Variants in NARS1 observed in about 807,000 individuals in gnomAD.
NARS1 encodes the protein asparagine--tRNA ligase, cytoplasmic.
A neutral mutation model predicts 79.2 loss-of-function variants in NARS1; 65 were observed. The observed-to-expected ratio is 0.82, with a 90% CI of 0.67 to 1.01. NARS1 has a LOEUF of 1.01. Among genes scored for constraint, NARS1 ranks in the 50% least tolerant of loss-of-function variants. The pLI is 0.00. For synonymous variants in NARS1, 229 were observed against 238.8 expected (o/e 0.96, Z 0.38); for missense variants, 649 against 673.8 (o/e 0.96, Z 0.41).
At chr18:57,602,986 G>A (rs372520309) in intron 11 of NARS1, 43 bp from the exon 12 acceptor site, 11 of 1,608,020 alleles carry the variant, frequency 6.8e-6, no homozygotes, top group African/African-American at 5.4e-5. Context: ...AACTTGGATC[G>A]CAACAAGACA....
chr18:57,603,871 G>A lies in NARS1; in HGVS notation c.1252-928C>T, dbSNP rs986961829. 5.9e-5 allele frequency among the ~76,000 whole-genome samples: 8 copies of A among 134,700 alleles called. No homozygotes were observed. In the Admixed American group the frequency reaches 6.0e-4, roughly 10 times the overall value. The allele number at this position is 134,700 out of a possible 152,430, so 88.4% of individuals were successfully genotyped here. A position where few individuals can be genotyped will look rare whatever the true frequency, so the allele number is the denominator to read the frequency against. On this transcript the variant is annotated intron_variant, in intron 11 of 13. Coordinates refer to ENST00000256854, the MANE Select transcript of NARS1 (RefSeq NM_004539.4). ...GGGTTCTGCATAAGATTTAGTTAGG[G>A]GAAAACAGGTCTTATTTCATACCCC...
At chr18:57,604,120 G>A (rs1266733147) in intron 11 of NARS1, among the ~76,000 whole-genome samples, 1 of 152,208 alleles carries the variant, frequency 6.6e-6, no homozygotes, top group Non-Finnish European at 1.5e-5. Flanking sequence ...GAAAAGAGGT[G>A]GGAGCTAAGC....
chr18:57,610,600 T>C (rs2051596950), intron 6 of NARS1, among the ~76,000 whole-genome samples: 1 of 152,074 alleles, frequency 6.6e-6, no homozygotes, highest in Non-Finnish European at 1.5e-5. Flanking sequence ...ACCTCCAATT[T>C]ATAAAAAATG....
chr18:57,601,508 T>C lies in NARS1; in HGVS notation c.*144A>G, dbSNP rs774950385. 8.4e-5 allele frequency: 63 copies of C among 753,336 alleles called. No individual in the cohort carries two copies. The highest frequency in any genetic ancestry group is 1.1e-4 in the Non-Finnish European group (55 of 503,676). The allele number at this position is 753,336 out of a possible 1,614,324, so 46.7% of individuals were successfully genotyped here. On this transcript the variant is annotated 3_prime_UTR_variant, in exon 14 of 14. Transcript: ENST00000256854. ...AATATCACTTGATGTTCAGGTGATTTGAGATAGTTTTTATGGTAGTAGAAA... is the reference window on the plus strand; with the variant it reads ...AATATCACTTGATGTTCAGGTGATTCGAGATAGTTTTTATGGTAGTAGAAA...
At chr18:57,618,396 G>A (rs746692549) in intron 2 of NARS1, among the ~76,000 whole-genome samples, 46 of 151,968 alleles carry the variant, frequency 3.0e-4, no homozygotes, top group Non-Finnish European at 2.8e-4. Context: ...CCGACAATCT[G>A]TACTGATCCC....
intron 1 of NARS1, among the ~76,000 whole-genome samples, 153 bp downstream of exon 1, chr18:57,621,555 C>G (rs572907024): frequency 2.9e-4 from 44 of 152,272 alleles, no homozygotes; most frequent in African/African-American, 1.0e-3. Flanking sequence ...CAGCAAAGGC[C>G]AGCACCCTCC....
chr18:57,611,251 C>G (rs2051602657), intron 6 of NARS1, among the ~76,000 whole-genome samples: 1 of 152,084 alleles, frequency 6.6e-6, no homozygotes, highest in South Asian at 2.1e-4. Flanking sequence ...CAGGCATGAG[C>G]CACCATGCCC....
At chr18:57,610,938 G>T (rs1043232428) in intron 6 of NARS1, among the ~76,000 whole-genome samples, 7 of 151,636 alleles carry the variant, frequency 4.6e-5, no homozygotes, top group Non-Finnish European at 1.0e-4. Flanking sequence ...TTTGGTGGAG[G>T]GTGTGATAAT....
intron 11 of NARS1, among the ~76,000 whole-genome samples, chr18:57,605,154 T>C (rs2051543326): frequency 6.8e-6 from 1 of 147,450 alleles, no homozygotes; most frequent in Non-Finnish European, 1.5e-5. Flanking sequence ...TATATATATA[T>C]CTATATACCA....
chr18:57,617,700 A>C (rs1414659771), intron 2 of NARS1, among the ~76,000 whole-genome samples: 1 of 150,716 alleles, frequency 6.6e-6, no homozygotes, highest in African/African-American at 2.4e-5. Flanking sequence ...GCGGATCATG[A>C]GGTCAGGAGT....
At chr18:57,607,368 A>C in intron 8 of NARS1, 35 bp from the exon 9 acceptor site, 2 of 1,610,708 alleles carry the variant, frequency 1.2e-6, no homozygotes, top group Non-Finnish European at 1.7e-6. Context: ...AATCAATGCT[A>C]TCGTGAGCAC....
rs576967613 is a variant in NARS1 at position 57,604,634 on chromosome 18, A to T, written c.1251+1223T>A. Among the ~76,000 whole-genome samples the T allele has an allele frequency of 9.2e-5, 14 of 152,274 alleles. No individual in the cohort carries two copies. The South Asian group carries it at 2.7e-3, about 29-fold the overall frequency. ...GCCAGATGCAGTGGCTCACGCCTGT[A>T]ATCCCAATACTTTGGAAAGCTGGGG... On this transcript the variant is annotated intron_variant, in intron 11 of 13. Transcript: ENST00000256854.
At chr18:57,605,610 CAAAAAAAAAAA>C (rs11285116) in intron 11 of NARS1, among the ~76,000 whole-genome samples, 1 of 109,656 alleles carries the variant, frequency 9.1e-6, no homozygotes, top group African/African-American at 3.4e-5. Context: ...GACTCCGTCT[CAAAAAAAAAAA>C]AAAAAAAGAA....
intron 1 of NARS1, among the ~76,000 whole-genome samples, chr18:57,620,956 A>C (rs1908275382): frequency 6.6e-6 from 1 of 152,208 alleles, no homozygotes; most frequent in Non-Finnish European, 1.5e-5. Flanking sequence ...CATACGCTGG[A>C]ATGTTGGATT....
intron 2 of NARS1, among the ~76,000 whole-genome samples, chr18:57,619,248 T>C (rs1487391838): frequency 7.0e-6 from 1 of 142,346 alleles, no homozygotes; most frequent in Non-Finnish European, 1.5e-5. Flanking sequence ...GTGCATACCA[T>C]ACCACCATGC....
At chr18:57,607,764 G>T in intron 7 of NARS1, 99 bp from the exon 8 acceptor site, 1 of 1,022,182 alleles carries the variant, frequency 9.8e-7, no homozygotes, top group Non-Finnish European at 1.4e-6. Context: ...TTGGTAAGCT[G>T]AGATTTTTAA....
Position 57,621,757 on chromosome 18 carries a change from C to G in NARS1, c.-40G>C, listed in dbSNP as rs1487640739. ...TGGTCACCTCCAAGGACACAGACTG[C>G]AACACCGACGCCGTCTTATGACTCC... On this transcript the variant is annotated 5_prime_UTR_variant, in exon 1 of 14. Coordinates refer to ENST00000256854, the MANE Select transcript of NARS1 (RefSeq NM_004539.4). The G allele has an allele frequency of 2.6e-5, 42 of 1,613,836 alleles. No individual in the cohort carries two copies. The highest frequency in any genetic ancestry group is 3.5e-5 in the Non-Finnish European group (41 of 1,180,000).
intron 2 of NARS1, among the ~76,000 whole-genome samples, chr18:57,616,938 G>A (rs1908053399): frequency 1.1e-5 from 1 of 93,102 alleles, no homozygotes; most frequent in African/African-American, 4.5e-5. Flanking sequence ...GACAGAGAGA[G>A]ACTCTGTCTC....
chr18:57,607,613 G>A lies in NARS1; in HGVS notation c.632C>T (p.Ala211Val), dbSNP rs1248871666. The change falls in exon 8 of 14, where the codon GCC becomes GTC. Residue 211 changes from alanine (A) to valine (V), a missense_variant. By Grantham distance (64) the Ala-to-Val change is moderately conservative. Transcript: ENST00000256854. ...SCDFWELIGL[A>V]PAGGADNLIN... ...CAGGTTGTCAGCTCCTCCAGCAGGGGCCAACCCAATTAGTTCCCAGAAGTC... is the reference window on the plus strand; with the variant it reads ...CAGGTTGTCAGCTCCTCCAGCAGGGACCAACCCAATTAGTTCCCAGAAGTC... 1.2e-6 allele frequency: 2 copies of A among 1,613,956 alleles called. No homozygotes were observed. The highest frequency in any genetic ancestry group is 2.7e-5 in the African/African-American group (2 of 74,888).
Sources: gnomAD v4.1 joint callset for allele counts (sites outside exome capture counted in the v4.1 genomes callset) on GRCh38, gnomAD v4.1.1 for gene constraint, MANE v1.5 for transcripts, NCBI Gene and HGNC (gene_info 2026-07-23, HGNC 2026-07-21) for gene names.